YWHAG: variants seen among roughly 807,000 people sequenced by gnomAD.
YWHAG encodes the protein 14-3-3 protein gamma.
In YWHAG, 1 loss-of-function variant was observed where a neutral mutation model predicts 23.3. That is an observed-to-expected ratio of 0.04 (90% CI 0.02 to 0.20). The LOEUF is 0.20. YWHAG is among the 10% of genes least tolerant of loss of function. The pLI is 1.00. For synonymous variants in YWHAG, 160 were observed against 144.0 expected, an observed-to-expected ratio of 1.11 and a Z score of -0.80; for missense variants, 151 against 338.6, an observed-to-expected ratio of 0.45 and a Z score of 4.35.
chr7:76,358,725 C>A lies in YWHAG; in HGVS notation c.84G>T (p.Lys28Asn). ...GGGGAGGGGAGGAGACACTCACGTT[C>A]TTCATGGCCGCGGCCATGTCGTCGT... The part of the protein sequence containing the change: ...ERYDDMAAAM[K>N]NVTELNEPLS... The change falls in exon 1 of 2, where the codon AAG becomes AAT. Residue 28 changes from lysine to asparagine, a missense_variant. Physicochemically the swap from Lys to Asn is moderately conservative, Grantham distance 94 (BLOSUM62 0). Transcript: ENST00000307630. 1 of 1,591,278 alleles carries A rather than the reference C, an allele frequency of 6.3e-7. No homozygotes were observed. The highest frequency in any genetic ancestry group is 8.5e-7 in the Non-Finnish European group (1 of 1,170,254).
chr7:76,332,308 G>A (rs1013331999), intron 1 of YWHAG, among the ~76,000 whole-genome samples: 4 of 152,134 alleles, frequency 2.6e-5, no homozygotes, highest in Admixed American at 6.5e-5. Flanking sequence ...CTGCACTGAC[G>A]ATCTGTCATC....
intron 1 of YWHAG, among the ~76,000 whole-genome samples, chr7:76,350,102 G>A (rs1253958607): frequency 6.6e-6 from 1 of 152,158 alleles, no homozygotes; most frequent in Non-Finnish European, 1.5e-5. Context: ...GTGTACGGGG[G>A]TTACTGTACT....
At chr7:76,353,308 G>A (rs1803901572) in intron 1 of YWHAG, among the ~76,000 whole-genome samples, 1 of 151,992 alleles carries the variant, frequency 6.6e-6, no homozygotes, top group South Asian at 2.1e-4. Context: ...CACCTCCCAG[G>A]TTCAAGTAAT....
chr7:76,329,508 C>CA lies in YWHAG; in HGVS notation c.*68_*69insT. 2.8e-6 allele frequency: 4 copies of CA among 1,418,592 alleles called. No homozygotes were observed. Among genetic ancestry groups the CA allele is most frequent in the Non-Finnish European group, 3.7e-6 (4 of 1,067,676 alleles). 87.9% of individuals were successfully genotyped at this position (1,418,592 alleles called of 1,614,324 possible). A position where few individuals can be genotyped will look rare whatever the true frequency, so the allele number is the denominator to read the frequency against. On this transcript the variant is annotated 3_prime_UTR_variant, in exon 2 of 2. Transcript: ENST00000307630. This position sits in a 1 kb window ranked among gnomAD's most constrained non-coding sequence, Gnocchi z 6.1. ...TCCCTTTCCCTCCCCCACCCGACCC[C>CA]CAACTCATGGGAAAAAAATAAAGAC...
At chr7:76,349,855 G>A (rs572395858) in intron 1 of YWHAG, among the ~76,000 whole-genome samples, 3 of 152,238 alleles carry the variant, frequency 2.0e-5, no homozygotes, top group East Asian at 1.9e-4. Flanking sequence ...TTAGCCAGGC[G>A]TGGTGGTGGG....
At chr7:76,340,337 T>C (rs1200770624) in intron 1 of YWHAG, among the ~76,000 whole-genome samples, 3 of 152,250 alleles carry the variant, frequency 2.0e-5, no homozygotes, top group African/African-American at 4.8e-5. Flanking sequence ...ATATACTACC[T>C]GGACAAGGCC....
At chr7:76,335,216 C>T (rs1026649305) in intron 1 of YWHAG, among the ~76,000 whole-genome samples, 2 of 152,136 alleles carry the variant, frequency 1.3e-5, no homozygotes, top group Non-Finnish European at 2.9e-5. Flanking sequence ...TGCCACTACG[C>T]CCAGCTAATT....
chr7:76,342,888 C>T (rs1403960222), intron 1 of YWHAG, among the ~76,000 whole-genome samples: 1 of 151,926 alleles, frequency 6.6e-6, no homozygotes, highest in Non-Finnish European at 1.5e-5. Flanking sequence ...TGTAATCCCA[C>T]CACTTTGGGA....
At chr7:76,356,227 A>C (rs771142867) in intron 1 of YWHAG, among the ~76,000 whole-genome samples, 6 of 152,250 alleles carry the variant, frequency 3.9e-5, no homozygotes, top group Non-Finnish European at 8.8e-5. Flanking sequence ...AAAATTTCTT[A>C]GGTAGTTGCC....
intron 1 of YWHAG, among the ~76,000 whole-genome samples, chr7:76,331,523 T>C (rs913770939): frequency 6.6e-6 from 1 of 152,048 alleles, no homozygotes; most frequent in African/African-American, 2.4e-5. Flanking sequence ...GTAAACTCTA[T>C]TAAAACACTG....
At chr7:76,347,866 G>A (rs1189590117) in intron 1 of YWHAG, among the ~76,000 whole-genome samples, 2 of 152,138 alleles carry the variant, frequency 1.3e-5, no homozygotes, top group Non-Finnish European at 2.9e-5. Flanking sequence ...ATATCTCTAA[G>A]ACTCCAAACA....
At position 76,329,093 on chromosome 7, in the gene YWHAG, G is replaced by A. The variant is rs1026918029; in HGVS notation, c.*484C>T. On this transcript the variant is annotated 3_prime_UTR_variant, in exon 2 of 2. Coordinates refer to ENST00000307630, the MANE Select transcript of YWHAG (RefSeq NM_012479.4). This position sits in a 1 kb window ranked among gnomAD's most constrained non-coding sequence, Gnocchi z 6.1. ...GAGACCTCAGGTTCTAAGTCTGTCAGTCTGGGATTTACACTGTTCCATGTC... is the reference window on the plus strand; with the variant it reads ...GAGACCTCAGGTTCTAAGTCTGTCAATCTGGGATTTACACTGTTCCATGTC... The A allele has an allele frequency of 6.4e-6, 1 of 156,546 alleles. No homozygotes were observed. Among genetic ancestry groups the A allele is most frequent in the African/African-American group, 2.4e-5 (1 of 41,488 alleles). The allele number at this position is 156,546 out of a possible 1,614,324, so 9.7% of individuals were successfully genotyped here. A position where few individuals can be genotyped will look rare whatever the true frequency, so the allele number is the denominator to read the frequency against.
At position 76,337,693 on chromosome 7, in the gene YWHAG, C is replaced by G. The variant is rs112503073; in HGVS notation, c.88-7460G>C. Reference sequence around the variant, plus strand: ...GGGTCTACAGGCGCCCACCACCACACCCAGCTAAACTTTCTATTTTTAGTA... The same window carrying G: ...GGGTCTACAGGCGCCCACCACCACAGCCAGCTAAACTTTCTATTTTTAGTA... On this transcript the variant is annotated intron_variant, in intron 1 of 1. Coordinates refer to ENST00000307630, the MANE Select transcript of YWHAG (RefSeq NM_012479.4). Among the ~76,000 whole-genome samples, 466 of 152,134 alleles carry G rather than the reference C, an allele frequency of 3.1e-3. 2 individuals are homozygous for G. Among genetic ancestry groups the G allele is most frequent in the African/African-American group, 0.011 (446 of 41,496 alleles).
At position 76,329,125 on chromosome 7, in the gene YWHAG, C is replaced by G. The variant is rs566056923; in HGVS notation, c.*452G>C. ...ATTTACACTGTTCCATGTCTGTAGG[C>G]TACACCCTGGAAAACATGCAGAGCC... On this transcript the variant is annotated 3_prime_UTR_variant, in exon 2 of 2. Transcript: ENST00000307630. The surrounding 1 kb of genome is among the most constrained non-coding windows in gnomAD (Gnocchi z 6.1). 1 of 171,288 alleles carries G rather than the reference C, an allele frequency of 5.8e-6. No individual in the cohort carries two copies. Among genetic ancestry groups the G allele is most frequent in the African/African-American group, 2.4e-5 (1 of 41,782 alleles). The allele number at this position is 171,288 out of a possible 1,614,324, so 10.6% of individuals were successfully genotyped here.
At chr7:76,333,033 C>CT (rs1276401589) in intron 1 of YWHAG, among the ~76,000 whole-genome samples, 2 of 151,970 alleles carry the variant, frequency 1.3e-5, no homozygotes, top group Non-Finnish European at 2.9e-5. Context: ...TGCAGTGGCA[C>CT]TATCTTGGCT....
intron 1 of YWHAG, among the ~76,000 whole-genome samples, chr7:76,335,117 G>A (rs112733572): frequency 6.6e-6 from 1 of 152,072 alleles, no homozygotes; most frequent in Non-Finnish European, 1.5e-5. Flanking sequence ...GAGTGCAGTG[G>A]CACAATCCCG....
intron 1 of YWHAG, among the ~76,000 whole-genome samples, chr7:76,352,033 G>A (rs58373481): frequency 0.027 from 4,159 of 152,210 alleles, 186 homozygotes; most frequent in African/African-American, 0.095. Flanking sequence ...GGGGTTATCC[G>A]CATGGCTACT....
At position 76,329,489 on chromosome 7, in the gene YWHAG, T is replaced by TGCCACCCCCCCCC; in HGVS notation, c.*87_*88insGGGGGGGGGTGGC. The stretch of plus-strand genomic sequence containing the variant: ...TCCCTGGGAAGGTCATCCCTCCCTT[T>TGCCACCCCCCCCC]CCCTCCCCCACCCGACCCCCAACTC... On this transcript the variant is annotated 3_prime_UTR_variant, in exon 2 of 2. Coordinates refer to ENST00000307630, the MANE Select transcript of YWHAG (RefSeq NM_012479.4). The surrounding 1 kb of genome is among the most constrained non-coding windows in gnomAD (Gnocchi z 6.1). 9.8e-7 allele frequency: 1 copy of TGCCACCCCCCCCC among 1,024,228 alleles called. No individual in the cohort carries two copies. The highest frequency in any genetic ancestry group is 1.4e-6 in the Non-Finnish European group (1 of 740,082). The allele number at this position is 1,024,228 out of a possible 1,614,324, so 63.4% of individuals were successfully genotyped here. A position where few individuals can be genotyped will look rare whatever the true frequency, so the allele number is the denominator to read the frequency against.
intron 1 of YWHAG, among the ~76,000 whole-genome samples, chr7:76,351,311 C>T (rs1200526045): frequency 6.6e-6 from 1 of 152,190 alleles, no homozygotes; most frequent in Non-Finnish European, 1.5e-5. Flanking sequence ...TCCCCACTAG[C>T]TTTCCTCGCC....
Sources: gnomAD v4.1 joint callset for allele counts (sites outside exome capture counted in the v4.1 genomes callset) on GRCh38, gnomAD v4.1.1 for gene constraint, Gnocchi (gnomAD v3.1) non-coding constraint, MANE v1.5 for transcripts, NCBI Gene and HGNC (gene_info 2026-07-23, HGNC 2026-07-21) for gene names.